Variants in KRT39 observed in about 807,000 individuals in gnomAD.
The protein encoded by KRT39 is keratin 39.
In KRT39, 47 loss-of-function variants were observed where a neutral mutation model predicts 54.8. That is an observed-to-expected ratio of 0.86 (90% CI 0.68 to 1.09). The LOEUF is 1.09. Among genes scored for constraint, KRT39 ranks in the 50% least tolerant of loss-of-function variants. The pLI is 0.00. For synonymous variants in KRT39, 207 were observed against 227.9 expected (o/e 0.91, Z 0.83); for missense variants, 580 against 598.5 (o/e 0.97, Z 0.32).
Position 40,964,491 on chromosome 17 carries a change from G to A in KRT39, c.506C>T (p.Ser169Leu), listed in dbSNP as rs747337750. Reference sequence around the variant, plus strand: ...AGTCAGTTTGGTGTTGTCAATTTGCGAGACCAGTCTGGAATTCTCGGCCTT... The same window carrying A: ...AGTCAGTTTGGTGTTGTCAATTTGCAAGACCAGTCTGGAATTCTCGGCCTT... The part of the protein sequence containing the change: ...CTKAENSRLV[S>L]QIDNTKLTAD... The change falls in exon 2 of 7, where the codon TCG (serine) becomes TTG (leucine). Residue 169 changes from serine to leucine, a missense_variant. Physicochemically the swap from Ser to Leu is moderately radical, Grantham distance 145. Transcript: ENST00000355612. 2.5e-6 allele frequency: 4 copies of A among 1,613,984 alleles called. No homozygotes were observed. The highest frequency in any genetic ancestry group is 2.5e-6 in the Non-Finnish European group (3 of 1,179,986).
rs761890892 is a variant in KRT39, at chr17:40,966,649, T to A, written c.208A>T (p.Ile70Phe). 1.2e-5 allele frequency: 20 copies of A among 1,614,114 alleles called. No individual in the cohort carries two copies. The African/African-American group carries it at 2.3e-4, about 18-fold the overall frequency. ...QPTPRFCRKP[I>F]YLMNNFNARF... is the part of the protein sequence containing the mutation. ...GCATTGAAGTTGTTCATTAGGTAGA[T>A]GGGCTTGCGACAAAAGCGAGGAGTG... The change falls in exon 1 of 7, where the codon ATC becomes TTC. Residue 70 changes from isoleucine (I) to phenylalanine (F), a missense_variant. Physicochemically the swap from Ile to Phe is conservative, Grantham distance 21 (BLOSUM62 0). Transcript: ENST00000355612.
intron 6 of KRT39, 76 bp downstream of exon 6, chr17:40,960,205 C>T: frequency 7.6e-7 from 1 of 1,309,810 alleles, no homozygotes. Flanking sequence ...CACTTGACCC[C>T]TGTTGCCAGT....
rs368868358 is a variant in KRT39, at chr17:40,965,689, G to A, written c.468+700C>T. ...ATAAGCATAAAAGGAGAAAAAGGTG[G>A]TGATGGTTGAAAAATGGATAAAAAC... On this transcript the variant is annotated intron_variant, in intron 1 of 6. Coordinates refer to ENST00000355612, the MANE Select transcript of KRT39 (RefSeq NM_213656.4). Among the ~76,000 whole-genome samples, 69 of 152,320 alleles carry A rather than the reference G, an allele frequency of 4.5e-4. No individual in the cohort carries two copies. The Middle Eastern group carries it at 0.014, about 30-fold the overall frequency.
In KRT39 at chr17:40,964,501, T is replaced by A. The variant is rs1367388736; in HGVS notation, c.496A>T (p.Arg166Ter). ...KILCTKAENS[R>*]LVSQIDNTKL... ...GTGTTGTCAATTTGCGAGACCAGTCTGGAATTCTCGGCCTTGGTACACAAG... is the reference window on the plus strand; with the variant it reads ...GTGTTGTCAATTTGCGAGACCAGTCAGGAATTCTCGGCCTTGGTACACAAG... Residue 166 changes from arginine (R) to a stop codon, truncating the protein, a stop_gained, in exon 2 of 7, where the codon AGA becomes TGA. Coordinates refer to ENST00000355612, the MANE Select transcript of KRT39 (RefSeq NM_213656.4). LOFTEE classifies it high-confidence loss of function. 1 of 1,614,004 alleles carries A rather than the reference T, an allele frequency of 6.2e-7. No individual in the cohort carries two copies. The highest frequency in any genetic ancestry group is 8.5e-7 in the Non-Finnish European group (1 of 1,179,876).
At position 40,966,434 on chromosome 17, in the gene KRT39, A is replaced by G. The variant is rs1567838038; in HGVS notation, c.423T>C (p.Pro141=). 4 of 1,614,066 alleles carry G rather than the reference A, an allele frequency of 2.5e-6. No individual in the cohort carries two copies. Among genetic ancestry groups the G allele is most frequent in the Non-Finnish European group, 1.7e-6 (2 of 1,180,004 alleles). The change falls in exon 1 of 7, where the codon CCT becomes CCC. Residue 141 remains proline, a synonymous_variant. Coordinates refer to ENST00000355612, the MANE Select transcript of KRT39 (RefSeq NM_213656.4). ...ESNKELPVLC[P]DYLSYYTTIE... The stretch of plus-strand genomic sequence containing the variant: ...TGGTAGTGTAGTAAGACAGGTAATC[A>G]GGACATAGAACAGGGAGCTCTTTGT...
intron 5 of KRT39, among the ~76,000 whole-genome samples, 175 bp downstream of exon 5, chr17:40,961,987 T>G (rs896181811): frequency 2.0e-5 from 3 of 152,252 alleles, no homozygotes; most frequent in Non-Finnish European, 4.4e-5. Context: ...TAACCTTGGT[T>G]TAGTGCAGCG....
At chr17:40,964,074 G>T in intron 2 of KRT39, 1 of 430,570 alleles carries the variant, frequency 2.3e-6, no homozygotes, top group East Asian at 3.4e-5. Flanking sequence ...ACTGGATTAG[G>T]GCTCAGAAAA....
chr17:40,958,533 C>A lies in KRT39; in HGVS notation c.*68G>T, dbSNP rs1910993321. On this transcript the variant is annotated 3_prime_UTR_variant, in exon 7 of 7. Transcript: ENST00000355612. ...TAAGGGACTGGGGAGTTTTCTTAAACCTCTCTGGCAGGAGCATGTATTGGC... is the reference window on the plus strand; with the variant it reads ...TAAGGGACTGGGGAGTTTTCTTAAAACTCTCTGGCAGGAGCATGTATTGGC... 2 of 1,520,986 alleles carry A rather than the reference C, an allele frequency of 1.3e-6. No individual in the cohort carries two copies. The highest frequency in any genetic ancestry group is 1.4e-5 in the African/African-American group (1 of 71,546). The allele number at this position is 1,520,986 out of a possible 1,614,324, so 94.2% of individuals were successfully genotyped here.
intron 1 of KRT39, among the ~76,000 whole-genome samples, chr17:40,965,203 CA>C (rs72433921): frequency 0.32 from 41,775 of 130,306 alleles, 7,553 homozygotes; most frequent in African/African-American, 0.54. Flanking sequence ...GACTCCGTCT[CA>C]AAAAAAAAAA....
intron 2 of KRT39, chr17:40,964,211 A>G: frequency 1.9e-6 from 1 of 530,702 alleles, no homozygotes; most frequent in Non-Finnish European, 3.3e-6. Flanking sequence ...TATCTATTTT[A>G]CTGAACTATT....
chr17:40,961,767 A>G (rs1911160502), intron 5 of KRT39, among the ~76,000 whole-genome samples: 1 of 152,208 alleles, frequency 6.6e-6, no homozygotes. Flanking sequence ...CTCATGTGAT[A>G]GCTTGTAAAA....
chr17:40,966,907 A>G lies in KRT39; in HGVS notation c.-51T>C, dbSNP rs779943866. ...CCAGGTCTGTGGTCACCAGGATGAA[A>G]AGCTCAAGCCACCTCCACAGAGTCT... On this transcript the variant is annotated 5_prime_UTR_variant, in exon 1 of 7. Transcript: ENST00000355612. 1.8e-5 allele frequency: 25 copies of G among 1,358,292 alleles called. No homozygotes were observed. The highest frequency in any genetic ancestry group is 1.3e-4 in the African/African-American group (9 of 69,772). The allele number at this position is 1,358,292 out of a possible 1,614,324, so 84.1% of individuals were successfully genotyped here. A position where few individuals can be genotyped will look rare whatever the true frequency, so the allele number is the denominator to read the frequency against.
intron 6 of KRT39, 53 bp from the exon 7 acceptor site, chr17:40,958,912 C>T: frequency 6.6e-7 from 1 of 1,511,410 alleles, no homozygotes; most frequent in Non-Finnish European, 8.9e-7. Flanking sequence ...CGATGATGGT[C>T]ATGGAGAAAA....
chr17:40,966,031 T>G (rs1911375312), intron 1 of KRT39, among the ~76,000 whole-genome samples: 1 of 151,678 alleles, frequency 6.6e-6, no homozygotes, highest in South Asian at 2.1e-4. Flanking sequence ...CACAGGCATG[T>G]GCCACCACGC....
intron 6 of KRT39, among the ~76,000 whole-genome samples, chr17:40,959,820 C>T (rs9908900): frequency 0.13 from 20,065 of 152,090 alleles, 1,348 homozygotes; most frequent in East Asian, 0.15. Context: ...CTTCTGTTGG[C>T]CTCAAGGACT....
At position 40,963,672 on chromosome 17, in the gene KRT39, C is replaced by T. The variant is rs1355480807; in HGVS notation, c.663G>A (p.Gln221=). 2 of 1,611,306 alleles carry T rather than the reference C, an allele frequency of 1.2e-6. No homozygotes were observed. The highest frequency in any genetic ancestry group is 1.3e-5 in the African/African-American group (1 of 75,018). Residue 221 remains glutamine, a synonymous_variant, in exon 3 of 7, where the codon CAG becomes CAA. Coordinates refer to ENST00000355612, the MANE Select transcript of KRT39 (RefSeq NM_213656.4). Reference sequence around the variant, plus strand: ...GGCAAAGGAGCTCCTCTTTCAGAGACTGGACTTGTGCCTCTAGGTCGGCCT... The same window carrying T: ...GGCAAAGGAGCTCCTCTTTCAGAGATTGGACTTGTGCCTCTAGGTCGGCCT... The part of the protein sequence containing the change: ...LGKADLEAQV[Q]SLKEELLCLK...
In KRT39 at chr17:40,958,845, G is replaced by A; in HGVS notation, c.1232C>T (p.Pro411Leu). 1 of 1,596,382 alleles carries A rather than the reference G, an allele frequency of 6.3e-7. No homozygotes were observed. ...ESSDGKRPCY[P>L]RATKCEPSPW... ...GGAAGGCTCACATTTGGTGGCACGTGGGTAACAGGGACGCCTAAGGAAAAA... is the reference window on the plus strand; with the variant it reads ...GGAAGGCTCACATTTGGTGGCACGTAGGTAACAGGGACGCCTAAGGAAAAA... The change falls in exon 7 of 7, where the codon CCA (proline) becomes CTA (leucine). Residue 411 changes from proline (P) to leucine (L), a missense_variant. Physicochemically the swap from Pro to Leu is moderately conservative, Grantham distance 98 (BLOSUM62 -3). Transcript: ENST00000355612.
chr17:40,958,691 G>A lies in KRT39; in HGVS notation c.1386C>T (p.Cys462=). ...CATCCTTAATCTCCTTGGTGATGGT[G>A]CAAATTTTAACCAGTATCCGGGACA... is the stretch of plus-strand genomic sequence containing the variant. ...GPLSRILVKI[C]TITKEIKDGK... Residue 462 remains cysteine (C), a synonymous_variant, in exon 7 of 7, where the codon TGC becomes TGT. Transcript: ENST00000355612. The A allele has an allele frequency of 6.2e-7, 1 of 1,614,086 alleles. No homozygotes were observed. Among genetic ancestry groups the A allele is most frequent in the African/African-American group, 1.3e-5 (1 of 75,034 alleles).
At chr17:40,960,680 C>A in intron 5 of KRT39, 179 bp from the exon 6 acceptor site, 1 of 598,330 alleles carries the variant, frequency 1.7e-6, no homozygotes, top group Non-Finnish European at 3.0e-6. Flanking sequence ...ATGCTAAAAT[C>A]TGCTTTCCTT....
Sources: gnomAD v4.1 joint callset for allele counts (sites outside exome capture counted in the v4.1 genomes callset) on GRCh38, gnomAD v4.1.1 for gene constraint, MANE v1.5 for transcripts, NCBI Gene and HGNC (gene_info 2026-07-23, HGNC 2026-07-21) for gene names.